The following CLASP1 variants were observed in gnomAD, a reference collection of about 807,000 sequenced individuals.
The protein encoded by CLASP1 is cytoplasmic linker associated protein 1.
Under a neutral mutation model 192.3 loss-of-function variants are expected in CLASP1, and 38 were observed. The observed-to-expected ratio is 0.20, with a 90% CI of 0.15 to 0.26. The LOEUF (loss-of-function observed/expected upper bound fraction) is 0.26, where lower values mean the gene tolerates loss of function less well. Ranked by LOEUF, CLASP1 falls within the 10% of genes least tolerant of loss-of-function variation. The pLI is 1.00. For synonymous variants in CLASP1, 691 were observed against 712.8 expected, an observed-to-expected ratio of 0.97 and a Z score of 0.49; for missense variants, 1,433 against 1,932.5, an observed-to-expected ratio of 0.74 and a Z score of 4.85.
chr2:121,516,335 A>T (rs1457372768), intron 6 of CLASP1, among the ~76,000 whole-genome samples: 1 of 152,230 alleles, frequency 6.6e-6, no homozygotes, highest in African/African-American at 2.4e-5. Flanking sequence ...GAGCAATCAC[A>T]TTAGGGGATG....
At chr2:121,529,465 TC>T (rs2094689803) in intron 3 of CLASP1, among the ~76,000 whole-genome samples, 1 of 152,320 alleles carries the variant, frequency 6.6e-6, no homozygotes, top group South Asian at 2.1e-4. Context: ...CAGTCGGTGC[TC>T]ATGACCTTTT....
In CLASP1 at chr2:121,360,655, C is replaced by CACA. The variant is rs374524926; in HGVS notation, c.4206+2514_4206+2516dup. On this transcript the variant is annotated intron_variant, in intron 37 of 39. Transcript: ENST00000263710. ...GAAAACCCAACCTCAAACCTAAATACACAGGTTCTTGAGTTATTATAGTGG... is the reference window on the plus strand; with the variant it reads ...GAAAACCCAACCTCAAACCTAAATACACAACAGGTTCTTGAGTTATTATAGTGG... 5.0e-3 allele frequency among the ~76,000 whole-genome samples: 746 copies of CACA among 147,910 alleles called. 9 individuals are homozygous for CACA. Among genetic ancestry groups the CACA allele is most frequent in the African/African-American group, 0.018 (723 of 40,874 alleles).
At chr2:121,361,094 A>G (rs1020943425) in intron 37 of CLASP1, among the ~76,000 whole-genome samples, 3 of 152,204 alleles carry the variant, frequency 2.0e-5, no homozygotes, top group Admixed American at 1.3e-4. Context: ...GCGTGCCAAG[A>G]CACCATGGAC....
chr2:121,398,712 C>T (rs2075694317), intron 28 of CLASP1, among the ~76,000 whole-genome samples: 1 of 141,224 alleles, frequency 7.1e-6, no homozygotes, highest in Non-Finnish European at 1.6e-5. Context: ...ATTTTCCCTC[C>T]AGCTACCTTT....
rs536098566 is a variant in CLASP1 at position 121,432,295 on chromosome 2, T to G, written c.1913-2118A>C. Among the ~76,000 whole-genome samples the G allele has an allele frequency of 3.9e-5, 6 of 152,250 alleles. No homozygotes were observed. The East Asian group carries it at 1.2e-3, about 29-fold the overall frequency. ...CCACACACCTGGCTAATTTTTGTAT[T>G]TTTAGTAGAGTCAGGATCTGACCAT... On this transcript the variant is annotated intron_variant, in intron 19 of 39. Transcript: ENST00000263710.
intron 2 of CLASP1, among the ~76,000 whole-genome samples, chr2:121,574,670 G>C (rs2060319950): frequency 6.7e-6 from 1 of 150,018 alleles, no homozygotes; most frequent in Non-Finnish European, 1.5e-5. Flanking sequence ...CGGGTGCGGT[G>C]GCTCACGCCT....
chr2:121,444,616 C>A (rs571765664), intron 19 of CLASP1, among the ~76,000 whole-genome samples: 1 of 152,106 alleles, frequency 6.6e-6, no homozygotes, highest in Non-Finnish European at 1.5e-5. Context: ...AAACCCAAGA[C>A]AGGCAGTCCA....
Position 121,449,176 on chromosome 2 carries a change from C to A in CLASP1, c.1524-56G>T. 2.6e-6 allele frequency: 4 copies of A among 1,522,248 alleles called. No homozygotes were observed. In the South Asian group the frequency reaches 4.7e-5, roughly 18 times the overall value. The allele number at this position is 1,522,248 out of a possible 1,614,324, so 94.3% of individuals were successfully genotyped here. A position where few individuals can be genotyped will look rare whatever the true frequency, so the allele number is the denominator to read the frequency against. On this transcript the variant is annotated intron_variant, in intron 16 of 39. Coordinates refer to ENST00000263710, the Ensembl canonical transcript of CLASP1. ...TTCAAGGATCCAAACAGGTCTTTTG[C>A]TGAACTCTGGAGTACACCACAGAAG...
chr2:121,375,568 T>C (rs1476126379), intron 34 of CLASP1, among the ~76,000 whole-genome samples: 1 of 152,126 alleles, frequency 6.6e-6, no homozygotes, highest in Non-Finnish European at 1.5e-5. Flanking sequence ...TTCACCATGT[T>C]GGCCAGGATG....
chr2:121,460,062 A>G, exon 12 of CLASP1: 1 of 1,613,728 alleles, frequency 6.2e-7, no homozygotes, highest in Non-Finnish European at 8.5e-7. Context: ...AAAAGACGCA[A>G]ATGTTGAAAG....
At chr2:121,582,513 GGA>G (rs1171820696) in intron 2 of CLASP1, among the ~76,000 whole-genome samples, 5 of 147,902 alleles carry the variant, frequency 3.4e-5, no homozygotes, top group Non-Finnish European at 6.0e-5. Context: ...AAGAAAGAGA[GGA>G]GAGAGAGAAA....
chr2:121,643,897 C>T (rs2072620190), intron 1 of CLASP1, among the ~76,000 whole-genome samples: 1 of 152,142 alleles, frequency 6.6e-6, no homozygotes, highest in Non-Finnish European at 1.5e-5. Flanking sequence ...CTGTGGCTAC[C>T]CAGGTCCCCT....
Position 121,490,257 on chromosome 2 carries a change from T to C in CLASP1, c.712+12910A>G, listed in dbSNP as rs149907519. 176 of 453,662 alleles carry C rather than the reference T, an allele frequency of 3.9e-4. 2 individuals carry two copies. Among genetic ancestry groups the C allele is most frequent in the African/African-American group, 3.0e-3 (152 of 50,012 alleles). 28.1% of individuals were successfully genotyped at this position (453,662 alleles called of 1,614,324 possible). On this transcript the variant is annotated intron_variant, in intron 8 of 39. Transcript: ENST00000263710. ...ATAATTATAAACACTTTTCAGAATA[T>C]ATTAGAATAGCCTACCTTTCCCAGT... is the stretch of plus-strand genomic sequence containing the variant.
intron 8 of CLASP1, among the ~76,000 whole-genome samples, chr2:121,480,006 G>A (rs1023536311): frequency 1.3e-5 from 2 of 152,166 alleles, no homozygotes; most frequent in Admixed American, 1.3e-4. Context: ...AGAAGTGAGC[G>A]TGGAATGCAA....
At chr2:121,347,083 G>T in exon 39 of CLASP1, 1 of 1,586,420 alleles carries the variant, frequency 6.3e-7, no homozygotes, top group South Asian at 1.2e-5. Context: ...GGTCTTCTCC[G>T]ATTACGGAAT....
At chr2:121,609,595 T>G (rs897026278) in intron 1 of CLASP1, among the ~76,000 whole-genome samples, 3 of 152,196 alleles carry the variant, frequency 2.0e-5, no homozygotes, top group Non-Finnish European at 4.4e-5. Flanking sequence ...GGTACAAAAG[T>G]GCAAGACCTG....
Position 121,461,295 on chromosome 2 carries a change from T to C in CLASP1, c.940-102A>G, listed in dbSNP as rs564729297. ...AGAACATTAAGTATGGTAAAAGAAATTATTTTTTTAAGAAATACCTATGAG... is the reference window on the plus strand; with the variant it reads ...AGAACATTAAGTATGGTAAAAGAAACTATTTTTTTAAGAAATACCTATGAG... On this transcript the variant is annotated intron_variant, in intron 10 of 39. Coordinates refer to ENST00000263710, the Ensembl canonical transcript of CLASP1. 4.1e-5 allele frequency: 27 copies of C among 662,326 alleles called. No individual in the cohort carries two copies. The African/African-American group carries it at 4.3e-4, about 11-fold the overall frequency. 41.0% of individuals were successfully genotyped at this position (662,326 alleles called of 1,614,324 possible). A position where few individuals can be genotyped will look rare whatever the true frequency, so the allele number is the denominator to read the frequency against.
chr2:121,602,445 TA>T (rs1267373825), intron 2 of CLASP1, among the ~76,000 whole-genome samples: 13 of 151,600 alleles, frequency 8.6e-5, no homozygotes. Flanking sequence ...TTCACAGAAA[TA>T]GAAAAAAAAG....
At chr2:121,554,720 G>A (rs2105217327) in intron 2 of CLASP1, among the ~76,000 whole-genome samples, 1 of 152,322 alleles carries the variant, frequency 6.6e-6, no homozygotes, top group South Asian at 2.1e-4. Flanking sequence ...ACACACCATT[G>A]CCTAGAGCTG....
Sources: allele counts gnomAD v4.1 joint callset (sites outside exome capture counted in the v4.1 genomes callset), GRCh38; gene constraint gnomAD v4.1.1; transcripts MANE v1.5; gene names NCBI Gene and HGNC (gene_info 2026-07-23, HGNC 2026-07-21).